The following MBTPS1 variants were observed in gnomAD, a reference collection of about 807,000 sequenced individuals.
The protein encoded by MBTPS1 is membrane-bound transcription factor site-1 protease.
In MBTPS1, 94 loss-of-function variants were observed where a neutral mutation model predicts 127.8. The ratio of observed to expected loss-of-function variants is 0.74; its 90% CI spans 0.62 to 0.87. The LOEUF is 0.87. MBTPS1 is among the 40% of genes least tolerant of loss of function. The pLI, the probability that MBTPS1 is intolerant of heterozygous loss-of-function variation, is 0.00. For synonymous variants in MBTPS1, 632 were observed against 509.4 expected (o/e 1.24, Z -3.24); for missense variants, 1,636 against 1,353.2 (o/e 1.21, Z -3.28).
chr16:84,082,119 G>A lies in MBTPS1; in HGVS notation c.1287-211C>T, dbSNP rs561069799. The stretch of plus-strand genomic sequence containing the variant: ...CTGACCACTCCGCAACCTTCTACGG[G>A]ACCCACTTATGCTAAATGCATCAGT... On this transcript the variant is annotated intron_variant, in intron 10 of 22. Transcript: ENST00000343411. The A allele has an allele frequency of 3.7e-5, 14 of 379,796 alleles. No individual in the cohort carries two copies. The South Asian group carries it at 1.4e-3, about 38-fold the overall frequency. 23.5% of individuals were successfully genotyped at this position (379,796 alleles called of 1,614,324 possible). A position where few individuals can be genotyped will look rare whatever the true frequency, so the allele number is the denominator to read the frequency against.
At chr16:84,110,548 C>T (rs2086383964) in intron 1 of MBTPS1, among the ~76,000 whole-genome samples, 3 of 152,100 alleles carry the variant, frequency 2.0e-5, no homozygotes, top group South Asian at 4.1e-4. Flanking sequence ...AAAAACTTTT[C>T]GTCTAACAAA....
intron 10 of MBTPS1, among the ~76,000 whole-genome samples, chr16:84,083,937 G>C (rs1205640858): frequency 6.6e-6 from 1 of 152,152 alleles, no homozygotes; most frequent in Non-Finnish European, 1.5e-5. Context: ...ATCAACTCTG[G>C]TCTACTCGCT....
At chr16:84,077,919 A>G (rs1184932057) in intron 11 of MBTPS1, among the ~76,000 whole-genome samples, 1 of 146,048 alleles carries the variant, frequency 6.8e-6, no homozygotes, top group Non-Finnish European at 1.5e-5. Context: ...TGAACAGACA[A>G]TTCACAAGAA....
chr16:84,105,466 C>T (rs1390162751), intron 1 of MBTPS1, among the ~76,000 whole-genome samples: 4 of 152,006 alleles, frequency 2.6e-5, no homozygotes, highest in Non-Finnish European at 5.9e-5. Context: ...TGTGAAGAGG[C>T]GGCTTCTGCT....
chr16:84,066,827 A>G (rs1042478444), intron 16 of MBTPS1, among the ~76,000 whole-genome samples: 1 of 152,258 alleles, frequency 6.6e-6, no homozygotes, highest in African/African-American at 2.4e-5. Context: ...AATTTATTTT[A>G]TGAAATGAAA....
intron 21 of MBTPS1, 94 bp downstream of exon 21, chr16:84,059,208 T>A: frequency 2.7e-6 from 4 of 1,468,408 alleles, no homozygotes; most frequent in Non-Finnish European, 2.8e-6. Context: ...GACAATTCGA[T>A]AGTGATGTCA....
At chr16:84,105,661 G>A (rs754895277) in intron 1 of MBTPS1, among the ~76,000 whole-genome samples, 5 of 152,176 alleles carry the variant, frequency 3.3e-5, no homozygotes, top group Admixed American at 6.5e-5. Context: ...TCCGTCTAGC[G>A]AGGCTGAAAG....
chr16:84,065,836 G>A (rs551797848), intron 17 of MBTPS1, 69 bp from the exon 18 acceptor site: 23 of 882,784 alleles, frequency 2.6e-5, no homozygotes, highest in South Asian at 2.0e-4. Context: ...ATAGCTACTC[G>A]TTTACCCAAA....
In MBTPS1 at chr16:84,093,643, T is replaced by G. The variant is rs188104279; in HGVS notation, c.736+68A>C. 3.8e-5 allele frequency: 41 copies of G among 1,084,212 alleles called. No homozygotes were observed. In the African/African-American group the frequency reaches 4.6e-4, roughly 12 times the overall value. 67.2% of individuals were successfully genotyped at this position (1,084,212 alleles called of 1,614,324 possible). A position where few individuals can be genotyped will look rare whatever the true frequency, so the allele number is the denominator to read the frequency against. ...GTCTGAATAATTGCTGGACAGACTGTGGAATCATGCACTAAACACACTCTC... is the reference window on the plus strand; with the variant it reads ...GTCTGAATAATTGCTGGACAGACTGGGGAATCATGCACTAAACACACTCTC... On this transcript the variant is annotated intron_variant, in intron 5 of 22. Coordinates refer to ENST00000343411, the MANE Select transcript of MBTPS1 (RefSeq NM_003791.4).
intron 11 of MBTPS1, chr16:84,075,162 C>T (rs2085834895): frequency 6.5e-6 from 1 of 153,406 alleles, no homozygotes; most frequent in Non-Finnish European, 1.5e-5. Context: ...GAGGGGAGAG[C>T]TTAGGAAGCT....
At chr16:84,082,954 C>A (rs751698439) in intron 10 of MBTPS1, among the ~76,000 whole-genome samples, 1 of 152,184 alleles carries the variant, frequency 6.6e-6, no homozygotes, top group Non-Finnish European at 1.5e-5. Flanking sequence ...GAGATCACAA[C>A]GGCAGTTTCA....
intron 8 of MBTPS1, among the ~76,000 whole-genome samples, chr16:84,089,263 G>C (rs2086071771): frequency 6.6e-6 from 1 of 152,254 alleles, no homozygotes; most frequent in African/African-American, 2.4e-5. Context: ...GGCCAAACCA[G>C]GCCCACACCT....
At chr16:84,081,714 G>A (rs201257580) in intron 11 of MBTPS1, 33 bp downstream of exon 11, 2 of 1,329,516 alleles carry the variant, frequency 1.5e-6, no homozygotes, top group Admixed American at 6.1e-5. Flanking sequence ...CAGTGAAGGA[G>A]AGAAAGACCC....
intron 18 of MBTPS1, among the ~76,000 whole-genome samples, chr16:84,065,235 A>C (rs1597308372): frequency 6.6e-6 from 1 of 151,478 alleles, no homozygotes. Flanking sequence ...CTCCTGCCTC[A>C]GCCTCCTGAG....
Position 84,092,648 on chromosome 16 carries a change from C to A in MBTPS1, c.846+540G>T, listed in dbSNP as rs1041759425. Reference sequence around the variant, plus strand: ...TATGCATTACCTATTCAAAAATTAACCTTAAAAAATAAATAACGAAAAAAG... The same window carrying A: ...TATGCATTACCTATTCAAAAATTAAACTTAAAAAATAAATAACGAAAAAAG... On this transcript the variant is annotated intron_variant, in intron 6 of 22. Coordinates refer to ENST00000343411, the MANE Select transcript of MBTPS1 (RefSeq NM_003791.4). Among the ~76,000 whole-genome samples, 4 of 152,104 alleles carry A rather than the reference C, an allele frequency of 2.6e-5. No homozygotes were observed. The South Asian group carries it at 8.3e-4, about 32-fold the overall frequency.
At chr16:84,098,878 G>A (rs1016572087) in intron 3 of MBTPS1, among the ~76,000 whole-genome samples, 175 bp downstream of exon 3, 18 of 151,696 alleles carry the variant, frequency 1.2e-4, no homozygotes, top group Non-Finnish European at 5.9e-5. Flanking sequence ...CCCCAACACC[G>A]ACCCTGCGCA....
intron 11 of MBTPS1, among the ~76,000 whole-genome samples, chr16:84,077,780 T>C (rs1017534985): frequency 1.3e-5 from 2 of 152,096 alleles, no homozygotes; most frequent in African/African-American, 4.8e-5. Flanking sequence ...CAAAAACACC[T>C]TACACTAAGT....
chr16:84,112,588 G>T (rs1330035788), intron 1 of MBTPS1, among the ~76,000 whole-genome samples: 2 of 151,570 alleles, frequency 1.3e-5, no homozygotes, highest in African/African-American at 4.9e-5. Flanking sequence ...CGTGAATCTG[G>T]GAGGCGGAGC....
At chr16:84,099,719 G>A (rs1306301411) in intron 2 of MBTPS1, among the ~76,000 whole-genome samples, 1 of 150,714 alleles carries the variant, frequency 6.6e-6, no homozygotes, top group Non-Finnish European at 1.5e-5. Flanking sequence ...GGAGATTGCA[G>A]TAAGCAGAGA....
Sources: allele counts gnomAD v4.1 joint callset (sites outside exome capture counted in the v4.1 genomes callset), GRCh38; gene constraint gnomAD v4.1.1; transcripts MANE v1.5; gene names NCBI Gene and HGNC (gene_info 2026-07-23, HGNC 2026-07-21).